The following ASCC1 variants were observed in gnomAD, a reference collection of about 807,000 sequenced individuals.
ASCC1 encodes activating signal cointegrator 1 complex subunit 1.
ASCC1 carries 35 observed loss-of-function variants against 46.6 expected under a neutral mutation model. The ratio of observed to expected loss-of-function variants is 0.75; its 90% CI spans 0.57 to 0.99. The LOEUF is 0.99. Ranked by LOEUF, ASCC1 falls within the 50% of genes least tolerant of loss-of-function variation. The pLI is 0.00. For missense variants in ASCC1, 376 were observed against 428.7 expected, an observed-to-expected ratio of 0.88 and a Z score of 1.09; for synonymous variants, 143 against 146.6, an observed-to-expected ratio of 0.98 and a Z score of 0.18.
chr10:72,162,085 T>TA (rs1849760306), intron 5 of ASCC1, among the ~76,000 whole-genome samples: 1 of 152,130 alleles, frequency 6.6e-6, no homozygotes, highest in Non-Finnish European at 1.5e-5. Context: ...TTGCAAGTAA[T>TA]TTACCTGATA....
chr10:72,204,490 G>T, intron 3 of ASCC1: 5 of 1,549,884 alleles, frequency 3.2e-6, no homozygotes, highest in Non-Finnish European at 4.4e-6. Flanking sequence ...CGTTTGATGT[G>T]TTCAAGTGAA....
At chr10:72,137,267 G>T (rs369047724) in intron 7 of ASCC1, among the ~76,000 whole-genome samples, 1 of 151,508 alleles carries the variant, frequency 6.6e-6, no homozygotes, top group Non-Finnish European at 1.5e-5. Context: ...AGTGGCTCAC[G>T]CCTGTAATCC....
chr10:72,186,114 C>T (rs370080599), intron 5 of ASCC1, among the ~76,000 whole-genome samples: 22 of 151,246 alleles, frequency 1.5e-4, no homozygotes, highest in South Asian at 4.2e-4. Flanking sequence ...AAATATCATA[C>T]GTATTAATTA....
chr10:72,190,856 C>T (rs1442884694), intron 5 of ASCC1, among the ~76,000 whole-genome samples: 4 of 151,000 alleles, frequency 2.6e-5, no homozygotes, highest in Admixed American at 6.6e-5. Flanking sequence ...ATTCGCTGGG[C>T]GTGGTGGCAG....
intron 6 of ASCC1, chr10:72,158,848 C>T (rs146806684): frequency 4.6e-5 from 7 of 152,176 alleles, no homozygotes; most frequent in African/African-American, 1.7e-4. Flanking sequence ...GTTAGAAATG[C>T]CATTATTTAT....
At chr10:72,116,251 T>TC (rs1387175155) in intron 9 of ASCC1, among the ~76,000 whole-genome samples, 27 of 152,344 alleles carry the variant, frequency 1.8e-4, no homozygotes, top group African/African-American at 5.1e-4. Context: ...AAAACCTACT[T>TC]CAAGAAAAGC....
At chr10:72,157,484 T>G (rs967546062) in intron 6 of ASCC1, among the ~76,000 whole-genome samples, 1 of 152,220 alleles carries the variant, frequency 6.6e-6, no homozygotes, top group African/African-American at 2.4e-5. Flanking sequence ...TAATGTTATA[T>G]CTGCAATTTC....
intron 6 of ASCC1, among the ~76,000 whole-genome samples, chr10:72,161,297 T>C (rs1849667305): frequency 6.6e-6 from 1 of 152,100 alleles, no homozygotes; most frequent in Non-Finnish European, 1.5e-5. Flanking sequence ...CCCCCAAAGA[T>C]GTTAATGTCC....
intron 5 of ASCC1, chr10:72,180,833 C>A (rs1260932436): frequency 6.3e-6 from 1 of 157,640 alleles, no homozygotes; most frequent in Non-Finnish European, 1.4e-5. Context: ...ATACATGTAC[C>A]TCCTGAATCT....
chr10:72,124,343 C>G, intron 9 of ASCC1, among the ~76,000 whole-genome samples: 1 of 152,164 alleles, frequency 6.6e-6, no homozygotes, highest in Non-Finnish European at 1.5e-5. Context: ...TTACACTATC[C>G]TCTGACTTTA....
chr10:72,195,617 A>G (rs73274985), intron 5 of ASCC1, among the ~76,000 whole-genome samples: 20,546 of 151,240 alleles, frequency 0.14, 4,002 homozygotes, highest in African/African-American at 0.43. Flanking sequence ...CATGCAATGA[A>G]GTCAGGAGTT....
rs944086713 is a variant in ASCC1, at chr10:72,206,882, T to C, written c.213-3358A>G. On this transcript the variant is annotated intron_variant, in intron 3 of 9. Transcript: ENST00000672957. ...AAACTGTATGCTTTTTCCAAGCAGT[T>C]GAAGTTCTGTCCAGCCCACCACCAC... Among the ~76,000 whole-genome samples, 10 of 152,086 alleles carry C rather than the reference T, an allele frequency of 6.6e-5. 1 individual carries two copies. The highest frequency in any genetic ancestry group is 1.2e-4 in the Non-Finnish European group (8 of 68,008).
rs1264412935 is a variant in ASCC1 at position 72,183,543 on chromosome 10, G to A, written c.489+13268C>T. 2.0e-5 allele frequency among the ~76,000 whole-genome samples: 3 copies of A among 152,112 alleles called. No individual in the cohort carries two copies. In the East Asian group the frequency reaches 5.8e-4, roughly 29 times the overall value. ...ACAGACTTATAGTACCAGCTACTCG[G>A]GAGGCTGAGGCAGGAAGATTGCTTG... On this transcript the variant is annotated intron_variant, in intron 5 of 9. Transcript: ENST00000672957.
At chr10:72,133,760 G>C (rs1396552084) in intron 7 of ASCC1, 1 of 170,424 alleles carries the variant, frequency 5.9e-6, no homozygotes, top group East Asian at 1.6e-4. Flanking sequence ...CTCAATAGCA[G>C]AGTGGGAAGG....
chr10:72,103,421 C>T (rs1358222047), intron 9 of ASCC1, among the ~76,000 whole-genome samples: 3 of 152,106 alleles, frequency 2.0e-5, no homozygotes, highest in Non-Finnish European at 4.4e-5. Flanking sequence ...CGTGAGCCAC[C>T]GCGCCCGGCC....
chr10:72,162,249 C>A (rs749634228), intron 5 of ASCC1, among the ~76,000 whole-genome samples: 9 of 152,232 alleles, frequency 5.9e-5, no homozygotes, highest in East Asian at 1.9e-4. Flanking sequence ...TGGCTCACTG[C>A]AAGCTCTGCC....
chr10:72,176,302 C>A (rs1851850345), intron 5 of ASCC1, among the ~76,000 whole-genome samples: 1 of 152,098 alleles, frequency 6.6e-6, no homozygotes, highest in Admixed American at 6.6e-5. Context: ...TTCTGTGGTG[C>A]TAAGTTCATC....
chr10:72,176,395 T>C (rs1414570040), intron 5 of ASCC1, among the ~76,000 whole-genome samples: 1 of 152,126 alleles, frequency 6.6e-6, no homozygotes, highest in Non-Finnish European at 1.5e-5. Flanking sequence ...CAGGCTAGAG[T>C]GCAGTGGCAC....
At chr10:72,188,783 G>A (rs556656445) in intron 5 of ASCC1, among the ~76,000 whole-genome samples, 73 of 151,998 alleles carry the variant, frequency 4.8e-4, no homozygotes, top group Non-Finnish European at 9.3e-4. Context: ...TTTATTTTGA[G>A]ACAGGGTCTC....
Sources: gnomAD v4.1 joint callset for allele counts (sites outside exome capture counted in the v4.1 genomes callset) on GRCh38, gnomAD v4.1.1 for gene constraint, MANE v1.5 for transcripts, NCBI Gene and HGNC (gene_info 2026-07-23, HGNC 2026-07-21) for gene names.